CSMD1: variants seen among roughly 807,000 people sequenced by gnomAD.
The protein encoded by CSMD1 is CUB and Sushi multiple domains 1.
In CSMD1, 213 loss-of-function variants were observed where a neutral mutation model predicts 417.5. That is an observed-to-expected ratio of 0.51 (90% CI 0.46 to 0.57). The LOEUF is 0.57. Among genes scored for constraint, CSMD1 ranks in the 20% least tolerant of loss-of-function variants. The probability of loss-of-function intolerance (pLI) is 0.00; values close to 1 mark genes in which losing one functional copy is unlikely to be tolerated. For synonymous variants in CSMD1, 2,862 were observed against 1,736.8 expected (o/e 1.65, Z -16.11); for missense variants, 6,923 against 4,529.7 (o/e 1.53, Z -15.17).
chr8:3,713,382 T>C (rs1437049786), intron 6 of CSMD1, among the ~76,000 whole-genome samples: 1 of 152,126 alleles, frequency 6.6e-6, no homozygotes, highest in Non-Finnish European at 1.5e-5. Flanking sequence ...ATGTAAGAAG[T>C]GAATACAACT....
At chr8:4,167,284 T>C (rs1797509039) in intron 3 of CSMD1, among the ~76,000 whole-genome samples, 1 of 152,128 alleles carries the variant, frequency 6.6e-6, no homozygotes, top group South Asian at 2.1e-4. Flanking sequence ...GTTTAGAAAA[T>C]TCGTGTCTAT....
intron 21 of CSMD1, among the ~76,000 whole-genome samples, chr8:3,354,863 A>T (rs892614140): frequency 1.1e-5 from 1 of 91,888 alleles, no homozygotes; most frequent in African/African-American, 4.7e-5. Flanking sequence ...CTCCCTATAT[A>T]TAGATATACA....
chr8:3,346,409 T>C (rs1452080793), intron 22 of CSMD1, among the ~76,000 whole-genome samples: 1 of 152,212 alleles, frequency 6.6e-6, no homozygotes, highest in Non-Finnish European at 1.5e-5. Context: ...TTGAGGTTAT[T>C]AAAAAATTCA....
At chr8:4,674,387 T>C (rs1353949552) in intron 1 of CSMD1, among the ~76,000 whole-genome samples, 1 of 151,640 alleles carries the variant, frequency 6.6e-6, no homozygotes, top group Non-Finnish European at 1.5e-5. Flanking sequence ...TGAAAAAAAG[T>C]TCTGAAGAAG....
intron 48 of CSMD1, among the ~76,000 whole-genome samples, chr8:3,088,001 A>G (rs1814664368): frequency 6.6e-6 from 1 of 152,202 alleles, no homozygotes; most frequent in South Asian, 2.1e-4. Context: ...AAACTTCTGG[A>G]CTGTACAATG....
At chr8:3,588,170 T>C (rs1417234580) in intron 8 of CSMD1, among the ~76,000 whole-genome samples, 1 of 152,064 alleles carries the variant, frequency 6.6e-6, no homozygotes, top group Non-Finnish European at 1.5e-5. Context: ...TATTCATAGT[T>C]TTCATCATTC....
chr8:4,837,764 G>A (rs1800586605), intron 1 of CSMD1, among the ~76,000 whole-genome samples: 1 of 152,068 alleles, frequency 6.6e-6, no homozygotes, highest in African/African-American at 2.4e-5. Context: ...TAACTACATT[G>A]TTTGTAACTC....
intron 3 of CSMD1, among the ~76,000 whole-genome samples, chr8:4,221,511 AG>A (rs1481695036): frequency 1.3e-5 from 2 of 152,216 alleles, no homozygotes; most frequent in East Asian, 1.9e-4. Flanking sequence ...TCGTGAAACA[AG>A]CCAATTTGCA....
chr8:3,232,855 T>G (rs1397704584), intron 26 of CSMD1, among the ~76,000 whole-genome samples: 4 of 152,142 alleles, frequency 2.6e-5, no homozygotes, highest in Non-Finnish European at 5.9e-5. Flanking sequence ...TTTCAGTATG[T>G]ATTTAGTTGT....
rs527406003 is a variant in CSMD1, at chr8:4,509,408, A to G, written c.303-89343T>C. 8.5e-5 allele frequency among the ~76,000 whole-genome samples: 13 copies of G among 152,296 alleles called. No homozygotes were observed. In the South Asian group the frequency reaches 2.7e-3, roughly 32 times the overall value. On this transcript the variant is annotated intron_variant, in intron 2 of 69. Coordinates refer to ENST00000635120, the MANE Select transcript of CSMD1 (RefSeq NM_033225.6). ...TTTAGCTGCTTCAAAGGGGAATCAG[A>G]TGTATTGAAATGTAAAGAATTAATT...
chr8:3,834,529 G>A (rs1011721220), intron 5 of CSMD1, among the ~76,000 whole-genome samples: 17 of 152,316 alleles, frequency 1.1e-4, no homozygotes, highest in South Asian at 2.1e-4. Context: ...AAGCTGCACT[G>A]TGCGTCTCTT....
chr8:4,072,671 G>A (rs1449781471), intron 3 of CSMD1, among the ~76,000 whole-genome samples: 6 of 152,130 alleles, frequency 3.9e-5, no homozygotes, highest in Non-Finnish European at 5.9e-5. Context: ...CTTTATTTCT[G>A]TGGATCTCCT....
chr8:3,107,066 A>G (rs1816195254), intron 45 of CSMD1: 1 of 157,200 alleles, frequency 6.4e-6, no homozygotes, highest in Non-Finnish European at 1.4e-5. Flanking sequence ...GGGTGAGGAC[A>G]GCAGAAATTG....
At chr8:4,338,469 A>G (rs1424227011) in intron 3 of CSMD1, among the ~76,000 whole-genome samples, 1 of 152,150 alleles carries the variant, frequency 6.6e-6, no homozygotes, top group Non-Finnish European at 1.5e-5. Context: ...ACACCTGGTT[A>G]GGTTCATGGC....
intron 1 of CSMD1, among the ~76,000 whole-genome samples, chr8:4,644,633 C>G (rs561321630): frequency 6.6e-6 from 1 of 152,322 alleles, no homozygotes; most frequent in South Asian, 2.1e-4. Flanking sequence ...GGGCAGGAAC[C>G]TCTGACCTCA....
chr8:3,696,833 C>T (rs1368793737), intron 7 of CSMD1, among the ~76,000 whole-genome samples: 3 of 152,134 alleles, frequency 2.0e-5, no homozygotes, highest in Non-Finnish European at 4.4e-5. Context: ...AAAATGTATT[C>T]CCATAGTTTA....
intron 1 of CSMD1, among the ~76,000 whole-genome samples, chr8:4,951,433 G>C (rs897261212): frequency 2.9e-5 from 4 of 140,190 alleles, no homozygotes; most frequent in African/African-American, 1.1e-4. Flanking sequence ...AAAAGAAAAA[G>C]AAAGAAAGAG....
At chr8:2,967,781 G>T (rs987596158) in intron 57 of CSMD1, among the ~76,000 whole-genome samples, 9 of 152,132 alleles carry the variant, frequency 5.9e-5, no homozygotes, top group African/African-American at 1.7e-4. Context: ...AAAAGAACAT[G>T]GAAGAAAACA....
In CSMD1 at chr8:4,534,441, C is replaced by T. The variant is rs1335152918; in HGVS notation, c.302+102901G>A. On this transcript the variant is annotated intron_variant, in intron 2 of 69. Coordinates refer to ENST00000635120, the MANE Select transcript of CSMD1 (RefSeq NM_033225.6). ...TACTCTCTTGCCAGAGTATTTACAA[C>T]TCATTAATATTTTTGTTATTGTTTT... Among the ~76,000 whole-genome samples the T allele has an allele frequency of 4.6e-5, 7 of 152,286 alleles. No homozygotes were observed. The East Asian group carries it at 1.2e-3, about 25-fold the overall frequency.
Sources: allele counts gnomAD v4.1 joint callset (sites outside exome capture counted in the v4.1 genomes callset), GRCh38; gene constraint gnomAD v4.1.1; transcripts MANE v1.5; gene names NCBI Gene and HGNC (gene_info 2026-07-23, HGNC 2026-07-21).